KLF12: variants seen among roughly 807,000 people sequenced by gnomAD.
The protein encoded by KLF12 is Krueppel-like factor 12.
In KLF12, 9 loss-of-function variants were observed where a neutral mutation model predicts 37.8. The ratio of observed to expected loss-of-function variants is 0.24; its 90% CI spans 0.14 to 0.42. The LOEUF (loss-of-function observed/expected upper bound fraction) is 0.42, where lower values mean the gene tolerates loss of function less well. Among genes scored for constraint, KLF12 ranks in the 10% least tolerant of loss-of-function variants. The probability of loss-of-function intolerance (pLI) is 1.00; values close to 1 mark genes in which losing one functional copy is unlikely to be tolerated. For missense variants in KLF12, 411 were observed against 516.0 expected (o/e 0.80, Z 1.97); for synonymous variants, 208 against 202.1 (o/e 1.03, Z -0.25).
intron 1 of KLF12, among the ~76,000 whole-genome samples, chr13:74,066,761 G>C (rs556646878): frequency 6.6e-6 from 1 of 152,104 alleles, no homozygotes; most frequent in African/African-American, 2.4e-5. Flanking sequence ...AAATATCAAA[G>C]ATAGCTGTCT....
chr13:73,700,449 A>G (rs1874469076), intron 7 of KLF12, among the ~76,000 whole-genome samples: 1 of 152,050 alleles, frequency 6.6e-6, no homozygotes, highest in Non-Finnish European at 1.5e-5. Context: ...TAAGTGATAA[A>G]ATGAATTTTC....
chr13:73,727,917 G>A (rs770629031), intron 6 of KLF12, among the ~76,000 whole-genome samples: 2 of 152,084 alleles, frequency 1.3e-5, no homozygotes, highest in African/African-American at 2.4e-5. Flanking sequence ...GGCTGGTTTC[G>A]TACTCCTGAC....
At chr13:73,813,425 G>C in intron 4 of KLF12, 138 bp from the exon 5 acceptor site, 2 of 935,078 alleles carry the variant, frequency 2.1e-6, no homozygotes, top group South Asian at 1.7e-5. Context: ...ATCAGTGAAA[G>C]CTCCAGGTTT....
At chr13:73,781,502 C>T (rs1428822901) in intron 5 of KLF12, among the ~76,000 whole-genome samples, 1 of 152,132 alleles carries the variant, frequency 6.6e-6, no homozygotes, top group East Asian at 1.9e-4. Flanking sequence ...TTAAATCTAC[C>T]AATCTTGATA....
chr13:74,047,063 T>C (rs1026101113), intron 1 of KLF12, among the ~76,000 whole-genome samples: 4 of 152,168 alleles, frequency 2.6e-5, no homozygotes, highest in South Asian at 2.1e-4. Context: ...AAATGGTATA[T>C]AATGCAACTG....
rs145485174 is a variant in KLF12, at chr13:73,844,333, A to G, written c.670+1494T>C. Among the ~76,000 whole-genome samples, 824 of 152,340 alleles carry G rather than the reference A, an allele frequency of 5.4e-3. 2 individuals are homozygous for G. The highest frequency in any genetic ancestry group is 7.9e-3 in the South Asian group (38 of 4,822). On this transcript the variant is annotated intron_variant, in intron 4 of 7. Coordinates refer to ENST00000377669, the MANE Select transcript of KLF12 (RefSeq NM_007249.5). ...CAAATCTGATTTGTTCAGTTCAATC[A>G]GAAGTGTCAGCAATATCAAAGAGGG...
intron 2 of KLF12, among the ~76,000 whole-genome samples, chr13:73,946,074 C>G (rs1021527784): frequency 1.3e-5 from 2 of 152,140 alleles, no homozygotes; most frequent in Non-Finnish European, 2.9e-5. Context: ...CTCGACTCTC[C>G]GGAGTCTGGC....
the KLF12 span, among the ~76,000 whole-genome samples, chr13:74,233,703 T>C: frequency 2.0e-5 from 3 of 152,218 alleles, no homozygotes; most frequent in African/African-American, 7.2e-5. Flanking sequence ...CTTTTTAGAA[T>C]TAAAGAGCAG....
intron 3 of KLF12, among the ~76,000 whole-genome samples, chr13:73,888,973 T>C (rs1474940014): frequency 6.6e-6 from 1 of 152,226 alleles, no homozygotes; most frequent in Non-Finnish European, 1.5e-5. Context: ...ATAAATCTCC[T>C]ACAGGATAGT....
At chr13:73,934,008 C>A (rs117792279) in intron 3 of KLF12, among the ~76,000 whole-genome samples, 1 of 152,100 alleles carries the variant, frequency 6.6e-6, no homozygotes, top group Non-Finnish European at 1.5e-5. Context: ...ATTTCCCTCT[C>A]CCCCAACACC....
chr13:74,136,644 TC>T (rs1189742225), upstream of KLF12, among the ~76,000 whole-genome samples: 1 of 152,156 alleles, frequency 6.6e-6, no homozygotes, highest in Admixed American at 6.5e-5. Flanking sequence ...TGCACTGCCT[TC>T]CTATGGCATA....
intron 1 of KLF12, among the ~76,000 whole-genome samples, chr13:74,027,393 C>A (rs1380722162): frequency 2.6e-5 from 4 of 152,286 alleles, no homozygotes. Context: ...GTTCATTCAA[C>A]ATGCATACAT....
At chr13:74,149,619 T>G in the KLF12 span, among the ~76,000 whole-genome samples, 4 of 152,300 alleles carry the variant, frequency 2.6e-5, no homozygotes, top group Admixed American at 2.6e-4. Flanking sequence ...TTCCTCCTTA[T>G]GGACTCTTCT....
chr13:74,125,465 T>A (rs1159768771), intron 1 of KLF12, among the ~76,000 whole-genome samples: 3 of 152,138 alleles, frequency 2.0e-5, no homozygotes, highest in Non-Finnish European at 4.4e-5. Context: ...CATATAAGGG[T>A]CTATAGATGT....
chr13:74,286,429 A>G, the KLF12 span, among the ~76,000 whole-genome samples: 6 of 152,224 alleles, frequency 3.9e-5, no homozygotes, highest in African/African-American at 1.4e-4. Flanking sequence ...CAGGAAGACA[A>G]GATGAAAAGG....
chr13:74,095,007 G>T (rs1340093013), intron 1 of KLF12, among the ~76,000 whole-genome samples: 1 of 152,186 alleles, frequency 6.6e-6, no homozygotes, highest in Non-Finnish European at 1.5e-5. Context: ...CACATTGTAT[G>T]TAGTATTATT....
intron 2 of KLF12, among the ~76,000 whole-genome samples, chr13:73,987,617 G>A (rs1737637923): frequency 6.7e-6 from 1 of 150,030 alleles, no homozygotes; most frequent in Admixed American, 6.7e-5. Flanking sequence ...CGTGGGAGAG[G>A]GGAGAGGGAG....
At chr13:74,098,932 C>G (rs1276978782) in intron 1 of KLF12, among the ~76,000 whole-genome samples, 1 of 152,160 alleles carries the variant, frequency 6.6e-6, no homozygotes, top group Non-Finnish European at 1.5e-5. Flanking sequence ...TGTTACATGT[C>G]ATGGGTCTTA....
chr13:73,928,051 T>C (rs1889486779), intron 3 of KLF12, among the ~76,000 whole-genome samples: 1 of 152,000 alleles, frequency 6.6e-6, no homozygotes, highest in African/African-American at 2.4e-5. Context: ...AGAGACGGGG[T>C]TCCCCCATGT....
Sources: allele counts gnomAD v4.1 joint callset (sites outside exome capture counted in the v4.1 genomes callset), GRCh38; gene constraint gnomAD v4.1.1; transcripts MANE v1.5; gene names NCBI Gene and HGNC (gene_info 2026-07-23, HGNC 2026-07-21).